CREBRF: variants seen among roughly 807,000 people sequenced by gnomAD.
The protein encoded by CREBRF is UPF0474 protein C5orf41.
A neutral mutation model predicts 66.1 loss-of-function variants in CREBRF; 5 were observed. That is an observed-to-expected ratio of 0.08 (90% CI 0.04 to 0.16). The LOEUF is 0.16. Ranked by LOEUF, CREBRF falls within the 10% of genes least tolerant of loss-of-function variation. The pLI, the probability that CREBRF is intolerant of heterozygous loss-of-function variation, is 1.00. For missense variants in CREBRF, 531 were observed against 744.9 expected, an observed-to-expected ratio of 0.71 and a Z score of 3.34; for synonymous variants, 229 against 264.4, an observed-to-expected ratio of 0.87 and a Z score of 1.30.
intron 1 of CREBRF, chr5:173,060,128 T>C (rs575754537): frequency 4.6e-5 from 7 of 152,208 alleles, no homozygotes; most frequent in Non-Finnish European, 1.0e-4. Context: ...TAACTCAGTT[T>C]TTAAAAGATA....
intron 7 of CREBRF, among the ~76,000 whole-genome samples, chr5:173,119,573 T>C (rs1161664410): frequency 6.6e-6 from 1 of 152,220 alleles, no homozygotes; most frequent in Non-Finnish European, 1.5e-5. Flanking sequence ...ACAGTCATCA[T>C]CTGCAAATAG....
chr5:173,064,863 C>T (rs1187774239), intron 1 of CREBRF, among the ~76,000 whole-genome samples: 4 of 151,750 alleles, frequency 2.6e-5, no homozygotes, highest in Admixed American at 2.6e-4. Flanking sequence ...TGCGCCTGGC[C>T]CACCTGGCTA....
intron 2 of CREBRF, among the ~76,000 whole-genome samples, chr5:173,082,003 G>GTTTTTTTTTTTTT (rs869148787): frequency 2.6e-5 from 2 of 78,046 alleles, no homozygotes; most frequent in African/African-American, 9.8e-5. Flanking sequence ...TCAAGGTTTA[G>GTTTTTTTTTTTTT]TTTTTTTTTT....
intron 8 of CREBRF, among the ~76,000 whole-genome samples, chr5:173,131,695 T>TACACAC (rs67580803): frequency 4.2e-4 from 63 of 149,038 alleles, no homozygotes; most frequent in South Asian, 2.6e-3. Context: ...TATATATGTA[T>TACACAC]ACACACACAC....
chr5:173,095,337 C>T (rs1321046865), intron 4 of CREBRF, among the ~76,000 whole-genome samples: 5 of 151,584 alleles, frequency 3.3e-5, no homozygotes, highest in East Asian at 1.9e-4. Context: ...TACAGGCGCC[C>T]GCCACCACGC....
At chr5:173,064,856 G>T (rs767076835) in intron 1 of CREBRF, among the ~76,000 whole-genome samples, 1 of 151,712 alleles carries the variant, frequency 6.6e-6, no homozygotes, top group Admixed American at 6.6e-5. Context: ...GAGCCACTGC[G>T]CCTGGCCCAC....
chr5:173,108,112 G>A (rs1758791271), intron 4 of CREBRF, among the ~76,000 whole-genome samples: 1 of 150,544 alleles, frequency 6.6e-6, no homozygotes, highest in Non-Finnish European at 1.5e-5. Flanking sequence ...GATTACAGGT[G>A]TGAGCCACCA....
At chr5:173,107,817 A>ATTT (rs559120882) in intron 4 of CREBRF, among the ~76,000 whole-genome samples, 75 of 121,804 alleles carry the variant, frequency 6.2e-4, no homozygotes, top group African/African-American at 1.6e-3. Context: ...TCTCTACAAA[A>ATTT]TTTTTTTTTT....
At chr5:173,081,111 C>G (rs954627783) in intron 2 of CREBRF, among the ~76,000 whole-genome samples, 13 of 152,174 alleles carry the variant, frequency 8.5e-5, no homozygotes, top group Non-Finnish European at 1.9e-4. Flanking sequence ...CTCACTATTC[C>G]TATTTCCCAA....
chr5:173,083,582 C>G (rs1321490183), intron 2 of CREBRF, among the ~76,000 whole-genome samples: 1 of 152,128 alleles, frequency 6.6e-6, no homozygotes, highest in Non-Finnish European at 1.5e-5. Flanking sequence ...ATTGGTTGTA[C>G]TAGACAGTGA....
chr5:173,097,736 A>G (rs1758512770), intron 4 of CREBRF, among the ~76,000 whole-genome samples: 1 of 151,408 alleles, frequency 6.6e-6, no homozygotes, highest in African/African-American at 2.4e-5. Context: ...ATTAAATCTG[A>G]TTTCTCCTCT....
Position 173,138,070 on chromosome 5 carries a change from A to G in CREBRF, c.*4325A>G, listed in dbSNP as rs550575245. ...AGTCTGTTGTGGAATACCATTTCCC[A>G]TGGAACTGAGGCCATTTCCACAACT... On this transcript the variant is annotated 3_prime_UTR_variant, in exon 9 of 9. Transcript: ENST00000296953. 1.3e-4 allele frequency: 20 copies of G among 152,318 alleles called. No homozygotes were observed. The highest frequency in any genetic ancestry group is 8.5e-4 in the Admixed American group (13 of 15,292). 9.4% of individuals were successfully genotyped at this position (152,318 alleles called of 1,614,324 possible). A position where few individuals can be genotyped will look rare whatever the true frequency, so the allele number is the denominator to read the frequency against.
At chr5:173,059,256 CTT>C (rs780723745) in intron 1 of CREBRF, among the ~76,000 whole-genome samples, 4 of 117,644 alleles carry the variant, frequency 3.4e-5, no homozygotes, top group Non-Finnish European at 5.3e-5. Context: ...TCTTCTTTTT[CTT>C]TTTTTTCTTT....
In CREBRF at chr5:173,134,364, C is replaced by T. The variant is rs1249094077; in HGVS notation, c.*619C>T. ...CTTTGTGCCTTGTATTTTGGGGAAA[C>T]TCTAAAACTGGTAATATTTTGTATG... On this transcript the variant is annotated 3_prime_UTR_variant, in exon 9 of 9. Transcript: ENST00000296953. 3.2e-6 allele frequency: 1 copy of T among 311,876 alleles called. No individual in the cohort carries two copies. Among genetic ancestry groups the T allele is most frequent in the Non-Finnish European group, 6.5e-6 (1 of 154,818 alleles). 19.3% of individuals were successfully genotyped at this position (311,876 alleles called of 1,614,324 possible).
intron 1 of CREBRF, among the ~76,000 whole-genome samples, chr5:173,078,635 T>C (rs1757843058): frequency 6.6e-6 from 1 of 151,430 alleles, no homozygotes; most frequent in African/African-American, 2.4e-5. Context: ...CTCGGCTCAC[T>C]GCAAACTCTG....
rs372133525 is a variant in CREBRF, at chr5:173,112,296, C to A, written c.1608-10C>A. 2 of 1,570,712 alleles carry A rather than the reference C, an allele frequency of 1.3e-6. No homozygotes were observed. Among genetic ancestry groups the A allele is most frequent in the African/African-American group, 2.8e-5 (2 of 72,634 alleles). ...AAAGAAAGTGAACTAACTGCTCCTT[C>A]CTTTCACAGAGCTTGTCGGTTAAAG... On this transcript the variant is annotated splice_polypyrimidine_tract_variant and intron_variant, in intron 6 of 8. Transcript: ENST00000296953.
In CREBRF at chr5:173,092,596, T is replaced by TA. The variant is rs144281603; in HGVS notation, c.1222+1204dup. ...TCTGCATGAAAACTAAGTTATTATT[T>TA]AAAAAAAAACTATCAAAGAGAGCCC... On this transcript the variant is annotated intron_variant, in intron 4 of 8. Transcript: ENST00000296953. Among the ~76,000 whole-genome samples the TA allele has an allele frequency of 2.2e-4, 33 of 151,748 alleles. No individual in the cohort carries two copies. In the South Asian group the frequency reaches 5.6e-3, roughly 26 times the overall value.
chr5:173,104,686 G>A (rs1758707536), intron 4 of CREBRF, among the ~76,000 whole-genome samples: 1 of 151,572 alleles, frequency 6.6e-6, no homozygotes, highest in South Asian at 2.1e-4. Flanking sequence ...TCCCAAGAAA[G>A]GTGGATGGCT....
At chr5:173,089,810 A>G (rs1016302834) in intron 3 of CREBRF, among the ~76,000 whole-genome samples, 2 of 152,236 alleles carry the variant, frequency 1.3e-5, no homozygotes, top group South Asian at 2.1e-4. Flanking sequence ...CTTTGCCTCT[A>G]TATTTAAGTT....
Sources: allele counts gnomAD v4.1 joint callset (sites outside exome capture counted in the v4.1 genomes callset), GRCh38; gene constraint gnomAD v4.1.1; transcripts MANE v1.5; gene names NCBI Gene and HGNC (gene_info 2026-07-23, HGNC 2026-07-21).